The following NLGN4Y variants were observed in gnomAD, a reference collection of about 807,000 sequenced individuals.
NLGN4Y encodes neuroligin 4 Y-linked.
Under a neutral mutation model 8.4 loss-of-function variants are expected in NLGN4Y, and 4 were observed. The ratio of observed to expected loss-of-function variants is 0.48; its 90% CI spans 0.23 to 1.09. The LOEUF (loss-of-function observed/expected upper bound fraction) is 1.09, where lower values mean the gene tolerates loss of function less well. Among genes scored for constraint, NLGN4Y ranks in the 50% least tolerant of loss-of-function variants. NLGN4Y has a pLI of 0.19. For missense variants in NLGN4Y, 90 were observed against 192.3 expected (o/e 0.47, Z 3.15); for synonymous variants, 35 against 75.6 (o/e 0.46, Z 2.78).
At chrY:14,778,427 C>T (rs2081135308) in intron 4 of NLGN4Y, among the ~76,000 whole-genome samples, 1 of 34,004 alleles carries the variant, frequency 2.9e-5, no homozygotes, top group African/African-American at 1.1e-4. Flanking sequence ...GCTGCAGCCT[C>T]TCTGGGACTT....
chrY:14,545,115 G>A (rs1603499193), intron 1 of NLGN4Y, among the ~76,000 whole-genome samples: 1 of 32,923 alleles, frequency 3.0e-5, no homozygotes, highest in Non-Finnish European at 7.5e-5. Context: ...TGAACTCATC[G>A]TTTTTTATGG....
At chrY:14,664,374 C>A (rs2080685593) in intron 2 of NLGN4Y, among the ~76,000 whole-genome samples, 1 of 32,830 alleles carries the variant, frequency 3.0e-5, no homozygotes, top group Non-Finnish European at 7.5e-5. Flanking sequence ...TGGACTCTAC[C>A]TGCAGCTATA....
chrY:14,705,243 C>T, intron 2 of NLGN4Y, among the ~76,000 whole-genome samples: 1 of 32,786 alleles, frequency 3.1e-5, no homozygotes, highest in African/African-American at 1.2e-4. Context: ...AAGGCATTTT[C>T]TTTCTCCCTT....
At chrY:14,819,775 TC>T (rs2043116076) in intron 4 of NLGN4Y, among the ~76,000 whole-genome samples, 1 of 33,600 alleles carries the variant, frequency 3.0e-5, no homozygotes, top group Non-Finnish European at 7.4e-5. Context: ...GATATTTCAC[TC>T]AATTTGCCTT....
At chrY:14,605,365 G>T in intron 1 of NLGN4Y, among the ~76,000 whole-genome samples, 1 of 32,975 alleles carries the variant, frequency 3.0e-5, no homozygotes, top group Non-Finnish European at 7.4e-5. Context: ...AGTATTCCAT[G>T]GTATGTATGT....
chrY:14,806,712 C>A (rs2043058456), intron 4 of NLGN4Y, among the ~76,000 whole-genome samples: 1 of 31,463 alleles, frequency 3.2e-5, no homozygotes, highest in Non-Finnish European at 7.7e-5. Flanking sequence ...GACTTCCATG[C>A]AACACCGAGA....
chrY:14,680,568 A>G, intron 2 of NLGN4Y, among the ~76,000 whole-genome samples: 1 of 33,406 alleles, frequency 3.0e-5, no homozygotes, highest in Non-Finnish European at 7.4e-5. Flanking sequence ...AAGCATATGA[A>G]CAACAGTTCA....
intron 4 of NLGN4Y, among the ~76,000 whole-genome samples, chrY:14,818,471 G>C: frequency 9.1e-5 from 3 of 33,122 alleles, no homozygotes; most frequent in Admixed American, 8.2e-4. Context: ...TGTCCAGAAG[G>C]AAGTCAATGT....
intron 4 of NLGN4Y, among the ~76,000 whole-genome samples, chrY:14,797,917 AT>A (rs2043017818): frequency 3.0e-5 from 1 of 33,366 alleles, no homozygotes; most frequent in East Asian, 7.8e-4. Context: ...CATTTCATAT[AT>A]TTTCCACAAT....
At chrY:14,778,906 T>G (rs2081136899) in intron 4 of NLGN4Y, among the ~76,000 whole-genome samples, 1 of 32,782 alleles carries the variant, frequency 3.1e-5, no homozygotes, top group Admixed American at 2.8e-4. Context: ...TGCTACCAAA[T>G]AGTAGATTTT....
At chrY:14,525,047 G>C in intron 1 of NLGN4Y, 1 of 94,066 alleles carries the variant, frequency 1.1e-5, no homozygotes, top group African/African-American at 9.7e-5. Context: ...TACAGTTCTG[G>C]AGCCTAGTCG....
intron 2 of NLGN4Y, among the ~76,000 whole-genome samples, chrY:14,638,816 T>G (rs2080577953): frequency 2.9e-5 from 1 of 33,911 alleles, no homozygotes; most frequent in Non-Finnish European, 7.3e-5. Flanking sequence ...ACAGACCACA[T>G]TATTGGTAAT....
intron 2 of NLGN4Y, among the ~76,000 whole-genome samples, chrY:14,638,243 C>G: frequency 3.0e-5 from 1 of 32,977 alleles, no homozygotes; most frequent in Non-Finnish European, 7.4e-5. Flanking sequence ...TCTCATTGTT[C>G]AGTTCCTACT....
intron 4 of NLGN4Y, among the ~76,000 whole-genome samples, chrY:14,819,974 G>C: frequency 3.0e-5 from 1 of 33,095 alleles, no homozygotes; most frequent in Non-Finnish European, 7.4e-5. Context: ...GGGTGAGCTT[G>C]TTGATGCCTG....
intron 1 of NLGN4Y, among the ~76,000 whole-genome samples, chrY:14,582,256 C>G (rs2080321980): frequency 3.0e-5 from 1 of 33,498 alleles, no homozygotes; most frequent in Non-Finnish European, 7.4e-5. Context: ...TCCGATTTTC[C>G]TTTATCTGTT....
Position 14,719,485 on chromosome Y carries a change from G to A in NLGN4Y, c.499G>A (p.Asp167Asn), listed in dbSNP as rs1603503155. The change falls in exon 3 of 7, where the codon GAT (aspartate) becomes AAT (asparagine). Residue 167 changes from aspartate to asparagine, a missense_variant. By Grantham distance (23) the Asp-to-Asn change is conservative (BLOSUM62 1). Around this residue, in one of 4 missense-constraint regions of NLGN4Y, gnomAD observed 37 missense variants for 38.5 expected, o/e 0.96. Transcript: ENST00000684976. ...DGTNIKRNAD[D>N]ITSNDHGEDK... Reference sequence around the variant, plus strand: ...AACCAACATAAAGAGAAATGCAGACGATATAACCAGTAATGACCATGGTGA... The same window carrying A: ...AACCAACATAAAGAGAAATGCAGACAATATAACCAGTAATGACCATGGTGA... The A allele has an allele frequency of 2.8e-6, 1 of 353,033 alleles. No individual in the cohort carries two copies. The highest frequency in any genetic ancestry group is 3.9e-6 in the Non-Finnish European group (1 of 255,322). The allele number at this position is 353,033 out of a possible 400,897, so 88.1% of individuals were successfully genotyped here.
chrY:14,639,301 C>A, intron 2 of NLGN4Y: 1 of 190,459 alleles, frequency 5.3e-6, no homozygotes, highest in South Asian at 3.5e-5. Flanking sequence ...TTTCTCAATC[C>A]TGCAGCTTGC....
At chrY:14,776,365 TTTTATA>T (rs2081126212) in intron 4 of NLGN4Y, among the ~76,000 whole-genome samples, 1 of 30,735 alleles carries the variant, frequency 3.3e-5, no homozygotes, top group African/African-American at 1.2e-4. Flanking sequence ...AACATATTTG[TTTTATA>T]TTTATATTTA....
At chrY:14,736,803 TTCCAGAGGCCTC>T (rs2080992680) in intron 4 of NLGN4Y, among the ~76,000 whole-genome samples, 2 of 32,474 alleles carry the variant, frequency 6.2e-5, no homozygotes, top group African/African-American at 2.4e-4. Flanking sequence ...ACAATTAAGT[TTCCAGAGGCCTC>T]TCCAGCCCTG....
Sources: allele counts gnomAD v4.1 joint callset (sites outside exome capture counted in the v4.1 genomes callset), GRCh38; gene constraint gnomAD v4.1.1; regional missense constraint gnomAD v4.1.1; transcripts MANE v1.5; gene names NCBI Gene and HGNC (gene_info 2026-07-23, HGNC 2026-07-21).